DNMBP: variants seen among roughly 807,000 people sequenced by gnomAD.
The protein encoded by DNMBP is dynamin-binding protein.
In DNMBP, 87 loss-of-function variants were observed where a neutral mutation model predicts 150.0. The observed-to-expected ratio is 0.58, with a 90% CI of 0.49 to 0.69. The LOEUF (loss-of-function observed/expected upper bound fraction) is 0.69, where lower values mean the gene tolerates loss of function less well. Among genes scored for constraint, DNMBP ranks in the 30% least tolerant of loss-of-function variants. The pLI is 0.00. For missense variants in DNMBP, 1,774 were observed against 1,949.0 expected, an observed-to-expected ratio of 0.91 and a Z score of 1.69; for synonymous variants, 711 against 750.4, an observed-to-expected ratio of 0.95 and a Z score of 0.86.
chr10:99,930,538 G>T (rs967374782), intron 4 of DNMBP: 3 of 702,806 alleles, frequency 4.3e-6, no homozygotes, highest in Non-Finnish European at 7.8e-6. Flanking sequence ...ATATAGCTTG[G>T]TTCACTCTGT....
At chr10:99,909,394 C>G (rs1424641428) in intron 4 of DNMBP, among the ~76,000 whole-genome samples, 1 of 152,162 alleles carries the variant, frequency 6.6e-6, no homozygotes, top group Non-Finnish European at 1.5e-5. Context: ...AGTAGCTAGC[C>G]CACTTTGAGT....
In DNMBP at chr10:99,929,701, G is replaced by A. The variant is rs747208114; in HGVS notation, c.2261-20555C>T. On this transcript the variant is annotated intron_variant, in intron 4 of 16. Coordinates refer to ENST00000324109, the MANE Select transcript of DNMBP (RefSeq NM_015221.4). Reference sequence around the variant, plus strand: ...CAACTATTCCTTCTCCAAGTCTCTGGGCCATTTAATTTTTTCTCTTCCTCT... The same window carrying A: ...CAACTATTCCTTCTCCAAGTCTCTGAGCCATTTAATTTTTTCTCTTCCTCT... 4 of 702,872 alleles carry A rather than the reference G, an allele frequency of 5.7e-6. No individual in the cohort carries two copies. The South Asian group carries it at 5.9e-5, about 10-fold the overall frequency. 43.5% of individuals were successfully genotyped at this position (702,872 alleles called of 1,614,324 possible).
intron 4 of DNMBP, among the ~76,000 whole-genome samples, chr10:99,917,130 G>A (rs2039973230): frequency 6.6e-6 from 1 of 152,246 alleles, no homozygotes; most frequent in South Asian, 2.1e-4. Context: ...GGCCAAGGCA[G>A]TGGATCACCC....
chr10:99,886,843 T>C (rs576971056), intron 12 of DNMBP, among the ~76,000 whole-genome samples: 58 of 152,292 alleles, frequency 3.8e-4, no homozygotes, highest in African/African-American at 1.3e-3. Flanking sequence ...ACTAGATACC[T>C]TCAATTCCCA....
chr10:99,896,846 C>T (rs905249296), intron 9 of DNMBP, among the ~76,000 whole-genome samples: 3 of 152,164 alleles, frequency 2.0e-5, no homozygotes, highest in Non-Finnish European at 4.4e-5. Context: ...AATTTAATTA[C>T]CATGTTAAAC....
chr10:99,946,872 A>C (rs2040363038), intron 4 of DNMBP, among the ~76,000 whole-genome samples: 1 of 152,176 alleles, frequency 6.6e-6, no homozygotes, highest in Non-Finnish European at 1.5e-5. Flanking sequence ...AAGGAACTTA[A>C]CAAGAAAAAA....
Position 99,879,683 on chromosome 10 carries a change from G to A in DNMBP, c.4548+128C>T, listed in dbSNP as rs780220467. 1,783 of 1,458,098 alleles carry A rather than the reference G, an allele frequency of 1.2e-3. 4 individuals carry two copies. The highest frequency in any genetic ancestry group is 1.4e-3 in the Non-Finnish European group (1,560 of 1,100,874). The allele number at this position is 1,458,098 out of a possible 1,614,324, so 90.3% of individuals were successfully genotyped here. A position where few individuals can be genotyped will look rare whatever the true frequency, so the allele number is the denominator to read the frequency against. Reference sequence around the variant, plus strand: ...CAGAGATTCCTTGTGTGCTTGAAAGGTGTGTCTGTGAGCTCATCTCAGATC... The same window carrying A: ...CAGAGATTCCTTGTGTGCTTGAAAGATGTGTCTGTGAGCTCATCTCAGATC... On this transcript the variant is annotated intron_variant, in intron 16 of 16. Transcript: ENST00000324109.
At chr10:99,902,843 G>A (rs1019361906) in intron 6 of DNMBP, among the ~76,000 whole-genome samples, 7 of 151,244 alleles carry the variant, frequency 4.6e-5, no homozygotes, top group Non-Finnish European at 8.8e-5. Context: ...CAGGAGAATC[G>A]TTTGAACCCA....
intron 3 of DNMBP, among the ~76,000 whole-genome samples, chr10:99,967,668 G>GAT (rs1554871375): frequency 1.4e-5 from 2 of 145,642 alleles, no homozygotes; most frequent in East Asian, 2.0e-4. Context: ...GGTTTTTCTG[G>GAT]GTGTGTGTGT....
intron 4 of DNMBP, chr10:99,929,710 AT>A: frequency 4.3e-6 from 3 of 702,720 alleles, no homozygotes; most frequent in Non-Finnish European, 7.8e-6. Context: ...GGGCCATTTA[AT>A]TTTTTCTCTT....
At chr10:99,988,093 T>C (rs571952253) in intron 1 of DNMBP, among the ~76,000 whole-genome samples, 33 of 152,218 alleles carry the variant, frequency 2.2e-4, no homozygotes, top group East Asian at 1.2e-3. Context: ...AAAAAAATCA[T>C]GAATAGTTGT....
At chr10:99,977,217 T>C (rs1031019313) in intron 1 of DNMBP, among the ~76,000 whole-genome samples, 2 of 152,176 alleles carry the variant, frequency 1.3e-5, no homozygotes, top group Non-Finnish European at 2.9e-5. Context: ...CCTCGCTAAA[T>C]TACATGATTC....
intron 1 of DNMBP, among the ~76,000 whole-genome samples, chr10:99,981,103 G>A (rs74780217): frequency 0.066 from 10,011 of 152,172 alleles, 462 homozygotes; most frequent in African/African-American, 0.13. Flanking sequence ...TTTATGTTAT[G>A]TACACTTACC....
At chr10:99,891,728 G>A (rs905618420) in intron 11 of DNMBP, among the ~76,000 whole-genome samples, 2 of 145,802 alleles carry the variant, frequency 1.4e-5, no homozygotes, top group Non-Finnish European at 3.0e-5. Context: ...GGGAAGTGAG[G>A]AGCACCTCTT....
chr10:99,878,868 T>C (rs934673314), intron 16 of DNMBP, among the ~76,000 whole-genome samples: 9 of 152,094 alleles, frequency 5.9e-5, no homozygotes, highest in Non-Finnish European at 1.2e-4. Flanking sequence ...GGCTCACGCC[T>C]GTAATCCCAG....
At chr10:99,992,806 A>G (rs11596802) in intron 1 of DNMBP, among the ~76,000 whole-genome samples, 69,767 of 152,022 alleles carry the variant, frequency 0.46, 16,843 homozygotes, top group African/African-American at 0.61. Context: ...GATTACAGGC[A>G]TAAGACACCG....
chr10:99,926,498 G>A (rs2040079912), intron 4 of DNMBP, among the ~76,000 whole-genome samples: 1 of 152,082 alleles, frequency 6.6e-6, no homozygotes, highest in Non-Finnish European at 1.5e-5. Flanking sequence ...TCAAAACAAG[G>A]GAAGCAAACT....
rs139851622 is a variant in DNMBP, at chr10:99,972,570, C to T, written c.-10-436G>A. On this transcript the variant is annotated intron_variant, in intron 1 of 16. Coordinates refer to ENST00000324109, the MANE Select transcript of DNMBP (RefSeq NM_015221.4). ...ACAGGCATGCTCCACTGTACCTGGC[C>T]TCATATTTTAAAATATCAAAGTTAT... is the stretch of plus-strand genomic sequence containing the variant. 6.7e-4 allele frequency among the ~76,000 whole-genome samples: 102 copies of T among 151,500 alleles called. 1 individual carries two copies. In the East Asian group the frequency reaches 0.018, roughly 26 times the overall value.
chr10:99,984,581 A>C (rs750450646), intron 1 of DNMBP, among the ~76,000 whole-genome samples: 1 of 152,320 alleles, frequency 6.6e-6, no homozygotes, highest in Non-Finnish European at 1.5e-5. Context: ...ACACTAAGAA[A>C]ATTTATTAAC....
Sources: gnomAD v4.1 joint callset for allele counts (sites outside exome capture counted in the v4.1 genomes callset) on GRCh38, gnomAD v4.1.1 for gene constraint, MANE v1.5 for transcripts, NCBI Gene and HGNC (gene_info 2026-07-23, HGNC 2026-07-21) for gene names.